The following CACNA1C variants were observed in gnomAD, a reference collection of about 807,000 sequenced individuals.
CACNA1C encodes voltage-dependent L-type calcium channel subunit alpha-1C.
Under a neutral mutation model 229.0 loss-of-function variants are expected in CACNA1C, and 30 were observed. That is an observed-to-expected ratio of 0.13 (90% CI 0.10 to 0.18). CACNA1C has a LOEUF of 0.18. CACNA1C is among the 10% of genes least tolerant of loss of function. The probability of loss-of-function intolerance (pLI) is 1.00; values close to 1 mark genes in which losing one functional copy is unlikely to be tolerated. For missense variants in CACNA1C, 1,658 were observed against 2,845.0 expected, an observed-to-expected ratio of 0.58 and a Z score of 9.49; for synonymous variants, 1,114 against 1,132.5, an observed-to-expected ratio of 0.98 and a Z score of 0.33.
At chr12:2,546,908 C>G (rs936379637) in intron 9 of CACNA1C, among the ~76,000 whole-genome samples, 1 of 152,210 alleles carries the variant, frequency 6.6e-6, no homozygotes, top group South Asian at 2.1e-4. Context: ...GTTTTTCTAC[C>G]TGCAGGTGAC....
At chr12:2,225,778 G>A (rs2062788391) in intron 3 of CACNA1C, among the ~76,000 whole-genome samples, 1 of 152,146 alleles carries the variant, frequency 6.6e-6, no homozygotes, top group Admixed American at 6.5e-5. Context: ...TGAATATTGT[G>A]GTCATTGCAT....
chr12:2,213,386 G>T (rs1285318788), intron 3 of CACNA1C, among the ~76,000 whole-genome samples: 1 of 152,122 alleles, frequency 6.6e-6, no homozygotes, highest in Non-Finnish European at 1.5e-5. Context: ...TTGGAGAGGT[G>T]ACCTTCCCCT....
rs114593995 is a variant in CACNA1C at position 2,410,979 on chromosome 12, G to T, written c.478-37997G>T. On this transcript the variant is annotated intron_variant, in intron 3 of 46. Transcript: ENST00000399655. This position sits in a 1 kb window ranked among gnomAD's most constrained non-coding sequence, Gnocchi z 5.3. ...TCTCCCTACTCCCCTTGCAGCATGA[G>T]AGGCCCAGTACCTGTAAGACTACCA... Among the ~76,000 whole-genome samples the T allele has an allele frequency of 9.3e-3, 1,419 of 152,108 alleles. 27 individuals are homozygous for T. The highest frequency in any genetic ancestry group is 0.032 in the African/African-American group (1,344 of 41,470).
At chr12:2,500,412 C>T (rs1160683568) in intron 7 of CACNA1C, among the ~76,000 whole-genome samples, 2 of 152,200 alleles carry the variant, frequency 1.3e-5, no homozygotes, top group Non-Finnish European at 2.9e-5. Flanking sequence ...GTTTGTGTGG[C>T]CTCCAAGGCT....
Position 2,053,198 on chromosome 12 carries a change from C to G in CACNA1C, c.-365C>G. The G allele has an allele frequency of 2.0e-6, 2 of 1,002,700 alleles. No individual in the cohort carries two copies. The highest frequency in any genetic ancestry group is 4.4e-5 in the South Asian group (1 of 22,942). The allele number at this position is 1,002,700 out of a possible 1,614,324, so 62.1% of individuals were successfully genotyped here. On this transcript the variant is annotated 5_prime_UTR_variant, in exon 1 of 47. Transcript: ENST00000399655. This position sits in a 1 kb window ranked among gnomAD's most constrained non-coding sequence, Gnocchi z 5.8. ...GGCCCCTGCCGGCCCAGGCGGGCCC[C>G]GCGCGCCCCCCGCCCCTCCTCTCCG...
At chr12:2,200,015 A>G (rs1410185698) in intron 3 of CACNA1C, among the ~76,000 whole-genome samples, 1 of 152,160 alleles carries the variant, frequency 6.6e-6, no homozygotes, top group Non-Finnish European at 1.5e-5. Context: ...TCATTTATTT[A>G]CTTATTTTTT....
At chr12:2,499,444 G>T (rs1371610703) in intron 7 of CACNA1C, among the ~76,000 whole-genome samples, 1 of 152,212 alleles carries the variant, frequency 6.6e-6, no homozygotes, top group Non-Finnish European at 1.5e-5. Flanking sequence ...AAGTCTGCTG[G>T]GCTGGGGAGT....
chr12:2,005,627 A>G (rs2043263535), intron 1 of CACNA1C, among the ~76,000 whole-genome samples: 1 of 152,112 alleles, frequency 6.6e-6, no homozygotes. Flanking sequence ...TTTTCTGATG[A>G]GATCAGTGAT....
intron 9 of CACNA1C, among the ~76,000 whole-genome samples, chr12:2,520,154 G>A: frequency 6.9e-6 from 1 of 145,680 alleles, no homozygotes. Context: ...TTGACCAATG[G>A]CCGTGTGCTT....
At position 2,677,237 on chromosome 12, in the gene CACNA1C, C is replaced by T. The variant is rs781417944; in HGVS notation, c.4956+16C>T. 22 of 1,611,980 alleles carry T rather than the reference C, an allele frequency of 1.4e-5. No homozygotes were observed. The East Asian group carries it at 3.3e-4, about 25-fold the overall frequency. On this transcript the variant is annotated intron_variant, in intron 40 of 46. Transcript: ENST00000399655. The surrounding 1 kb of genome is among the most constrained non-coding windows in gnomAD (Gnocchi z 7.4). The stretch of plus-strand genomic sequence containing the variant: ...GTCTCTGCAGGTGAGGGCCTGGGGG[C>T]GGGCCCACACTCCAGGAAGGTCCTG...
chr12:2,195,104 C>T (rs1032599644), intron 3 of CACNA1C, among the ~76,000 whole-genome samples: 6 of 152,128 alleles, frequency 3.9e-5, no homozygotes, highest in Admixed American at 6.5e-5. Context: ...TTTAAATCAC[C>T]GATAGCAGCA....
intron 3 of CACNA1C, among the ~76,000 whole-genome samples, chr12:2,306,921 A>T (rs957165674): frequency 6.6e-6 from 1 of 152,182 alleles, no homozygotes; most frequent in Admixed American, 6.5e-5. Context: ...GCAAACTAGT[A>T]GCGTCCATTG....
At chr12:2,517,529 G>A (rs932388531) in intron 9 of CACNA1C, among the ~76,000 whole-genome samples, 1 of 152,244 alleles carries the variant, frequency 6.6e-6, no homozygotes, top group Non-Finnish European at 1.5e-5. Flanking sequence ...CAAGAAAGGG[G>A]CATGTTTATG....
Position 2,593,240 on chromosome 12 carries a change from T to A in CACNA1C, c.2558T>A (p.Met853Lys). The A allele has an allele frequency of 6.2e-7, 1 of 1,613,816 alleles. No individual in the cohort carries two copies. Among genetic ancestry groups the A allele is most frequent in the Non-Finnish European group, 8.5e-7 (1 of 1,179,810 alleles). ...GAAGAGGATGAGGAGGAGCCAGAGA[T>A]GCCTGTCGGCCCTCGCCCACGACCA... is the stretch of plus-strand genomic sequence containing the variant. ...TGEEDEEEPE[M>K]PVGPRPRPLS... Residue 853 changes from methionine (M) to lysine (K), a missense_variant, in exon 19 of 47, where the codon ATG (methionine) becomes AAG (lysine). Transcript: ENST00000399655.
At chr12:2,471,751 TG>T (rs1387426119) in intron 5 of CACNA1C, among the ~76,000 whole-genome samples, 2 of 152,172 alleles carry the variant, frequency 1.3e-5, no homozygotes, top group Non-Finnish European at 2.9e-5. Context: ...GGCACAATCT[TG>T]GCTCACTGTA....
At chr12:2,322,894 G>A (rs1333361036) in intron 3 of CACNA1C, among the ~76,000 whole-genome samples, 1 of 152,212 alleles carries the variant, frequency 6.6e-6, no homozygotes, top group Non-Finnish European at 1.5e-5. Context: ...CCACAAACGT[G>A]AGTGGTTGGG....
chr12:2,090,533 G>T (rs2070343158), intron 1 of CACNA1C, among the ~76,000 whole-genome samples: 1 of 151,980 alleles, frequency 6.6e-6, no homozygotes, highest in African/African-American at 2.4e-5. Flanking sequence ...GGCCAGGCTG[G>T]TCTTGAACTC....
At chr12:2,472,612 A>ATC (rs2099599254) in intron 5 of CACNA1C, among the ~76,000 whole-genome samples, 1 of 152,024 alleles carries the variant, frequency 6.6e-6, no homozygotes, top group Non-Finnish European at 1.5e-5. Flanking sequence ...ATATATATAT[A>ATC]TCTCTCTACA....
chr12:2,640,622 G>T (rs746611716), intron 30 of CACNA1C, among the ~76,000 whole-genome samples: 2 of 152,222 alleles, frequency 1.3e-5, no homozygotes, highest in Non-Finnish European at 2.9e-5. Flanking sequence ...GCCAGAAGGA[G>T]CAAGCAGCGA....
Sources: allele counts gnomAD v4.1 joint callset (sites outside exome capture counted in the v4.1 genomes callset), GRCh38; gene constraint gnomAD v4.1.1; non-coding constraint Gnocchi (gnomAD v3.1); transcripts MANE v1.5; gene names NCBI Gene and HGNC (gene_info 2026-07-23, HGNC 2026-07-21).